The following CAMLG variants were observed in gnomAD, a reference collection of about 807,000 sequenced individuals.
CAMLG encodes guided entry of tail-anchored proteins factor CAMLG.
CAMLG carries 23 observed loss-of-function variants against 28.9 expected under a neutral mutation model. The ratio of observed to expected loss-of-function variants is 0.80; its 90% CI spans 0.57 to 1.13. The LOEUF (loss-of-function observed/expected upper bound fraction) is 1.13. Among genes scored for constraint, CAMLG ranks in the 50% most tolerant of loss-of-function variants. The pLI is 0.00. For missense variants in CAMLG, 367 were observed against 371.9 expected (o/e 0.99, Z 0.11); for synonymous variants, 141 against 146.5 (o/e 0.96, Z 0.27).
intron 3 of CAMLG, among the ~76,000 whole-genome samples, chr5:134,747,903 C>T (rs1328507995): frequency 6.7e-6 from 1 of 149,996 alleles, no homozygotes; most frequent in Non-Finnish European, 1.5e-5. Flanking sequence ...TGCTCTTTCG[C>T]CAGGCTGGAG....
intron 3 of CAMLG, among the ~76,000 whole-genome samples, chr5:134,745,763 A>C (rs1753040192): frequency 6.6e-6 from 1 of 150,730 alleles, no homozygotes; most frequent in Non-Finnish European, 1.5e-5. Flanking sequence ...AAAAAAAAAA[A>C]GAAAATCACC....
chr5:134,750,379 A>C (rs1235428221), intron 3 of CAMLG, among the ~76,000 whole-genome samples: 3 of 152,110 alleles, frequency 2.0e-5, no homozygotes, highest in Non-Finnish European at 4.4e-5. Flanking sequence ...CTCTACTAAA[A>C]ATACAAAAAT....
intron 2 of CAMLG, among the ~76,000 whole-genome samples, chr5:134,741,941 G>A (rs936196271): frequency 7.9e-5 from 12 of 152,020 alleles, no homozygotes; most frequent in South Asian, 2.1e-4. Flanking sequence ...GTGAGACCCC[G>A]TCTCAAAAAT....
At chr5:134,739,192 T>C (rs1247295567) in intron 1 of CAMLG, among the ~76,000 whole-genome samples, 2 of 152,196 alleles carry the variant, frequency 1.3e-5, no homozygotes, top group Non-Finnish European at 2.9e-5. Flanking sequence ...TGCTTTTCCT[T>C]ACAGTGCCTT....
At chr5:134,743,934 G>A (rs566572363) in intron 2 of CAMLG, 53 bp from the exon 3 acceptor site, 3 of 790,200 alleles carry the variant, frequency 3.8e-6, no homozygotes, top group East Asian at 2.6e-5. Context: ...TTGATTTATT[G>A]TGATTTGAAT....
chr5:134,744,527 CAAAAAAAAA>C (rs751658223), intron 3 of CAMLG, among the ~76,000 whole-genome samples: 44 of 60,614 alleles, frequency 7.3e-4, no homozygotes, highest in Admixed American at 2.0e-3. Flanking sequence ...ACTCTGTCTC[CAAAAAAAAA>C]AAAAAAAAAA....
chr5:134,738,864 A>C, intron 1 of CAMLG, 72 bp downstream of exon 1: 3 of 1,433,302 alleles, frequency 2.1e-6, no homozygotes, highest in Non-Finnish European at 2.9e-6. Context: ...TCCCTCTCCC[A>C]CCTCCACTCC....
chr5:134,741,226 C>T lies in CAMLG; in HGVS notation c.336C>T (p.Asp112=), dbSNP rs1752978740. The T allele has an allele frequency of 6.2e-7, 1 of 1,614,040 alleles. No homozygotes were observed. Among genetic ancestry groups the T allele is most frequent in the Non-Finnish European group, 8.5e-7 (1 of 1,180,046 alleles). Residue 112 remains aspartate, a synonymous_variant, in exon 2 of 4, where the codon GAC becomes GAT. Coordinates refer to ENST00000297156, the MANE Select transcript of CAMLG (RefSeq NM_001745.4). ...VAEVKGTQLG[D]KLDSFIKPPE... ...AGGTAAAGGGGACCCAACTGGGAGA[C>T]AAATTGGACTCGTTCATTAAACCAC...
rs1204564421 is a variant in CAMLG at position 134,747,625 on chromosome 5, C to T, written c.700-3134C>T. ...CCCCCCAAAGTGCTGGGATTACAGG[C>T]ATGAGCCACCATGCTCGGCATTTTT... On this transcript the variant is annotated intron_variant, in intron 3 of 3. Coordinates refer to ENST00000297156, the MANE Select transcript of CAMLG (RefSeq NM_001745.4). Among the ~76,000 whole-genome samples the T allele has an allele frequency of 3.3e-5, 5 of 150,660 alleles. No homozygotes were observed. In the East Asian group the frequency reaches 6.0e-4, roughly 18 times the overall value.
chr5:134,741,533 G>T lies in CAMLG; in HGVS notation c.633+10G>T, dbSNP rs1259075880. 2.6e-6 allele frequency: 4 copies of T among 1,538,124 alleles called. No homozygotes were observed. In the South Asian group the frequency reaches 3.5e-5, roughly 13 times the overall value. ...TGTTTGCAAATACTTGGTAAGAAAA[G>T]ATCTGTAAATTATTAACTAACTTAA... is the stretch of plus-strand genomic sequence containing the variant. On this transcript the variant is annotated intron_variant, in intron 2 of 3. Coordinates refer to ENST00000297156, the MANE Select transcript of CAMLG (RefSeq NM_001745.4).
In CAMLG at chr5:134,741,413, A is replaced by T. The variant is rs765708002; in HGVS notation, c.523A>T (p.Ser175Cys). The part of the protein sequence containing the change: ...LRKQLISEKP[S>C]QEDGNTTEEF... ...GAAACAGCTGATTAGTGAAAAACCCAGTCAAGAGGATGGAAATACAACAGA... is the reference window on the plus strand; with the variant it reads ...GAAACAGCTGATTAGTGAAAAACCCTGTCAAGAGGATGGAAATACAACAGA... Residue 175 changes from serine to cysteine, a missense_variant, in exon 2 of 4, where the codon AGT becomes TGT. By Grantham distance (112) the Ser-to-Cys change is moderately radical. Transcript: ENST00000297156. 1.5e-5 allele frequency: 25 copies of T among 1,613,920 alleles called. No individual in the cohort carries two copies. The highest frequency in any genetic ancestry group is 1.9e-5 in the Non-Finnish European group (22 of 1,179,858).
intron 2 of CAMLG, 94 bp from the exon 3 acceptor site, chr5:134,743,893 C>A: frequency 1.5e-6 from 1 of 650,534 alleles, no homozygotes; most frequent in Non-Finnish European, 2.7e-6. Context: ...CATTTTCTTA[C>A]AGCTTTTGCT....
chr5:134,741,224 G>A lies in CAMLG; in HGVS notation c.334G>A (p.Asp112Asn), dbSNP rs1230341422. The A allele has an allele frequency of 5.6e-6, 9 of 1,614,212 alleles. No individual in the cohort carries two copies. Among genetic ancestry groups the A allele is most frequent in the Non-Finnish European group, 7.6e-6 (9 of 1,180,046 alleles). The part of the protein sequence containing the change: ...VAEVKGTQLG[D>N]KLDSFIKPPE... ...CGAGGTAAAGGGGACCCAACTGGGA[G>A]ACAAATTGGACTCGTTCATTAAACC... Residue 112 changes from aspartate to asparagine, a missense_variant, in exon 2 of 4, where the codon GAC becomes AAC. Physicochemically the swap from Asp to Asn is conservative, Grantham distance 23. Coordinates refer to ENST00000297156, the MANE Select transcript of CAMLG (RefSeq NM_001745.4).
At chr5:134,747,875 T>C (rs1753069668) in intron 3 of CAMLG, among the ~76,000 whole-genome samples, 1 of 150,942 alleles carries the variant, frequency 6.6e-6, no homozygotes. Context: ...CTTTTTTTTT[T>C]TTTTTGAGAT....
intron 3 of CAMLG, among the ~76,000 whole-genome samples, chr5:134,746,021 C>T (rs1461776423): frequency 6.6e-6 from 1 of 151,338 alleles, no homozygotes; most frequent in Non-Finnish European, 1.5e-5. Flanking sequence ...GCCTGTAATC[C>T]CAGCTACTCA....
At chr5:134,744,079 G>A (rs760953538) in intron 3 of CAMLG, 27 bp downstream of exon 3, 90 of 1,023,166 alleles carry the variant, frequency 8.8e-5, no homozygotes, top group Middle Eastern at 6.1e-4. Flanking sequence ...TCTAAATTTC[G>A]ATGATGTGTT....
chr5:134,749,530 C>A (rs1264860739), intron 3 of CAMLG, among the ~76,000 whole-genome samples: 1 of 151,922 alleles, frequency 6.6e-6, no homozygotes, highest in Non-Finnish European at 1.5e-5. Context: ...TCAGTGATAC[C>A]CTATTGGATG....
chr5:134,750,956 G>C lies in CAMLG; in HGVS notation c.*6G>C, dbSNP rs773991348. ...GGGGCTCTGAAGTACCATGAAGCCT[G>C]TAGAACTGAGAAGGAGAAGCTTACA... On this transcript the variant is annotated 3_prime_UTR_variant, in exon 4 of 4. Transcript: ENST00000297156. 6.3e-7 allele frequency: 1 copy of C among 1,585,518 alleles called. No homozygotes were observed. The highest frequency in any genetic ancestry group is 1.8e-5 in the Admixed American group (1 of 55,094).
At chr5:134,741,915 C>G (rs1752991192) in intron 2 of CAMLG, among the ~76,000 whole-genome samples, 1 of 152,148 alleles carries the variant, frequency 6.6e-6, no homozygotes, top group Non-Finnish European at 1.5e-5. Flanking sequence ...CACTGCACTC[C>G]AGCCTGGGTG....
Sources: gnomAD v4.1 joint callset for allele counts (sites outside exome capture counted in the v4.1 genomes callset) on GRCh38, gnomAD v4.1.1 for gene constraint, MANE v1.5 for transcripts, NCBI Gene and HGNC (gene_info 2026-07-23, HGNC 2026-07-21) for gene names.